Variants in ARPP21 observed in about 807,000 individuals in gnomAD.
ARPP21 encodes the protein cAMP regulated phosphoprotein 21, also known as cAMP-regulated phosphoprotein 21.
ARPP21 carries 69 observed loss-of-function variants against 113.2 expected under a neutral mutation model. The ratio of observed to expected loss-of-function variants is 0.61; its 90% CI spans 0.50 to 0.74. ARPP21 has a LOEUF of 0.74. Ranked by LOEUF, ARPP21 falls within the 30% of genes least tolerant of loss-of-function variation. The probability of loss-of-function intolerance (pLI) is 0.00; values close to 1 mark genes in which losing one functional copy is unlikely to be tolerated. For synonymous variants in ARPP21, 368 were observed against 375.5 expected, an observed-to-expected ratio of 0.98 and a Z score of 0.23; for missense variants, 1,070 against 1,037.4, an observed-to-expected ratio of 1.03 and a Z score of -0.43.
chr3:35,663,873 G>A (rs1444155831), intron 1 of ARPP21, among the ~76,000 whole-genome samples: 1 of 152,174 alleles, frequency 6.6e-6, no homozygotes, highest in Non-Finnish European at 1.5e-5. Flanking sequence ...TGGCACCCAA[G>A]AAGGCCATAC....
At chr3:35,684,597 G>T in intron 5 of ARPP21, 1 of 985,392 alleles carries the variant, frequency 1.0e-6, no homozygotes, top group Non-Finnish European at 1.2e-6. Flanking sequence ...GTGCAGTCAA[G>T]ACAAAAGTAA....
At chr3:35,739,644 T>C (rs1247436130) in intron 18 of ARPP21, 67 bp downstream of exon 18, 29 of 1,517,090 alleles carry the variant, frequency 1.9e-5, no homozygotes, top group Non-Finnish European at 2.4e-5. Context: ...TTTATCTTTC[T>C]ATGTAGAAAA....
At chr3:35,734,801 TA>T in intron 15 of ARPP21, among the ~76,000 whole-genome samples, 1 of 152,304 alleles carries the variant, frequency 6.6e-6, no homozygotes, top group South Asian at 2.1e-4. Flanking sequence ...TTTCCTAATT[TA>T]TTGAGCTATA....
intron 9 of ARPP21, among the ~76,000 whole-genome samples, chr3:35,695,450 A>G (rs1043103325): frequency 1.9e-4 from 29 of 151,570 alleles, no homozygotes; most frequent in African/African-American, 5.8e-4. Context: ...GTTTTACACT[A>G]TAGTTATAGT....
At chr3:35,646,683 C>A (rs1232852588) in intron 1 of ARPP21, among the ~76,000 whole-genome samples, 2 of 151,846 alleles carry the variant, frequency 1.3e-5, no homozygotes, top group Non-Finnish European at 2.9e-5. Flanking sequence ...TAAATTCTGC[C>A]AAATTAATTA....
chr3:35,700,646 A>T (rs2086006140), intron 9 of ARPP21, among the ~76,000 whole-genome samples: 1 of 151,764 alleles, frequency 6.6e-6, no homozygotes, highest in Non-Finnish European at 1.5e-5. Context: ...ACTCATCATC[A>T]GTTCAGTGTT....
chr3:35,659,308 T>C (rs1406145279), intron 1 of ARPP21, among the ~76,000 whole-genome samples: 1 of 152,190 alleles, frequency 6.6e-6, no homozygotes, highest in Non-Finnish European at 1.5e-5. Context: ...CTCAGATTTT[T>C]TGGTTAAATT....
chr3:35,709,165 A>T (rs1236265521), intron 11 of ARPP21, 95 bp downstream of exon 11: 2 of 828,900 alleles, frequency 2.4e-6, no homozygotes, highest in Admixed American at 4.6e-5. Context: ...GGGAATAAAA[A>T]GGCTGGAGCC....
chr3:35,785,246 T>G (rs2096605219), intron 19 of ARPP21: 1 of 152,188 alleles, frequency 6.6e-6, no homozygotes, highest in African/African-American at 2.4e-5. Flanking sequence ...CACATTTTCT[T>G]CTAAGCCATG....
rs1335846418 is a variant in ARPP21, at chr3:35,793,763, A to G, written c.2349A>G (p.Leu783=). ...PQQSYQQPIM[L]PNQAGQGSLP... ...AGTCATACCAACAGCCAATCATGCT[A>G]CCTAACCAGGCAGGTCAAGGGTCAC... Residue 783 remains leucine (L), a synonymous_variant, in exon 21 of 21, where the codon CTA becomes CTG. Coordinates refer to ENST00000684406, the MANE Select transcript of ARPP21 (RefSeq NM_001385562.1). 6 of 1,613,824 alleles carry G rather than the reference A, an allele frequency of 3.7e-6. No individual in the cohort carries two copies. Among genetic ancestry groups the G allele is most frequent in the Non-Finnish European group, 5.1e-6 (6 of 1,179,740 alleles).
At chr3:35,756,848 C>A (rs569832219) in intron 19 of ARPP21, among the ~76,000 whole-genome samples, 168 of 152,210 alleles carry the variant, frequency 1.1e-3, no homozygotes, top group African/African-American at 3.8e-3. Context: ...TTGCAGAATG[C>A]AGGATATTGC....
intron 19 of ARPP21, among the ~76,000 whole-genome samples, chr3:35,790,959 C>A (rs1452476779): frequency 6.6e-6 from 1 of 152,146 alleles, no homozygotes; most frequent in African/African-American, 2.4e-5. Context: ...AGGCATAGGG[C>A]AGACCTCTCA....
chr3:35,699,616 A>C (rs911161304), intron 9 of ARPP21, among the ~76,000 whole-genome samples: 1 of 151,634 alleles, frequency 6.6e-6, no homozygotes, highest in Non-Finnish European at 1.5e-5. Flanking sequence ...TTAACTTCCC[A>C]ATCTTCACTT....
At chr3:35,769,675 G>C (rs2096124962) in intron 19 of ARPP21, among the ~76,000 whole-genome samples, 1 of 152,136 alleles carries the variant, frequency 6.6e-6, no homozygotes, top group African/African-American at 2.4e-5. Context: ...TTTTGATCTT[G>C]GTTATCTTAG....
At chr3:35,717,256 C>G in intron 12 of ARPP21, 42 bp from the exon 13 acceptor site, 2 of 1,177,200 alleles carry the variant, frequency 1.7e-6, no homozygotes, top group African/African-American at 1.5e-5. Context: ...CATTTAGTAC[C>G]CTTAGGTTTT....
chr3:35,681,554 A>C, intron 2 of ARPP21, 160 bp from the exon 3 acceptor site: 1 of 540,620 alleles, frequency 1.8e-6, no homozygotes. Flanking sequence ...CCTCTTGTGC[A>C]TGCCTTGGGT....
At chr3:35,684,064 G>A in intron 5 of ARPP21, 1 of 1,594,800 alleles carries the variant, frequency 6.3e-7, no homozygotes, top group Non-Finnish European at 8.5e-7. Flanking sequence ...AAAGAATTTA[G>A]ATTAAAAGTT....
intron 19 of ARPP21, among the ~76,000 whole-genome samples, chr3:35,760,038 A>G (rs1056248808): frequency 2.6e-5 from 4 of 152,224 alleles, no homozygotes; most frequent in Non-Finnish European, 5.9e-5. Context: ...ACCTTCAGGA[A>G]CTAGAAGGCA....
At chr3:35,717,049 C>A (rs2150205141) in intron 12 of ARPP21, among the ~76,000 whole-genome samples, 1 of 152,074 alleles carries the variant, frequency 6.6e-6, no homozygotes, top group East Asian at 1.9e-4. Context: ...AATCTCTTTT[C>A]TCCTCTTCTA....
Sources: gnomAD v4.1 joint callset for allele counts (sites outside exome capture counted in the v4.1 genomes callset) on GRCh38, gnomAD v4.1.1 for gene constraint, MANE v1.5 for transcripts, NCBI Gene and HGNC (gene_info 2026-07-23, HGNC 2026-07-21) for gene names.